MAP1A: variants seen among roughly 807,000 people sequenced by gnomAD.
The protein encoded by MAP1A is microtubule-associated protein 1A.
In MAP1A, 42 loss-of-function variants were observed where a neutral mutation model predicts 185.9. That is an observed-to-expected ratio of 0.23 (90% CI 0.18 to 0.29). The LOEUF (loss-of-function observed/expected upper bound fraction) is 0.29, where lower values mean the gene tolerates loss of function less well. Ranked by LOEUF, MAP1A falls within the 10% of genes least tolerant of loss-of-function variation. MAP1A has a pLI of 1.00. For synonymous variants in MAP1A, 1,229 were observed against 1,335.9 expected, an observed-to-expected ratio of 0.92 and a Z score of 1.74; for missense variants, 2,995 against 3,450.4, an observed-to-expected ratio of 0.87 and a Z score of 3.31.
Position 43,521,140 on chromosome 15 carries a change from G to C in MAP1A, c.-151+28G>C, listed in dbSNP as rs1337298855. 1 of 1,537,638 alleles carries C rather than the reference G, an allele frequency of 6.5e-7. No individual in the cohort carries two copies. The highest frequency in any genetic ancestry group is 1.4e-5 in the African/African-American group (1 of 72,830). ...AAGTTCCATGCCAGAGTGTCTGGGAGAAAGGGTAGCACTAGAGCTGTGGGA... is the reference window on the plus strand; with the variant it reads ...AAGTTCCATGCCAGAGTGTCTGGGACAAAGGGTAGCACTAGAGCTGTGGGA... On this transcript the variant is annotated intron_variant, in intron 3 of 5. Coordinates refer to ENST00000300231, the MANE Select transcript of MAP1A (RefSeq NM_002373.6). This position sits in a 1 kb window ranked among gnomAD's most constrained non-coding sequence, Gnocchi z 4.6.
Position 43,529,087 on chromosome 15 carries a change from C to G in MAP1A, c.7614C>G (p.Asp2538Glu). 6.2e-7 allele frequency: 1 copy of G among 1,613,876 alleles called. No homozygotes were observed. Among genetic ancestry groups the G allele is most frequent in the Non-Finnish European group, 8.5e-7 (1 of 1,179,994 alleles). The part of the protein sequence containing the change: ...EAALDSDEDG[D>E]FLPVDKAGGV... The stretch of plus-strand genomic sequence containing the variant: ...CCCTCGACTCAGATGAAGATGGAGA[C>G]TTCCTACCTGTGGACAAAGCTGGGG... Residue 2538 changes from aspartate (D) to glutamate (E), a missense_variant, in exon 4 of 6, where the codon GAC becomes GAG. This residue lies in a region of MAP1A where 2,728 missense variants were observed against 2,986.0 expected (regional missense o/e 0.91). Transcript: ENST00000300231. The surrounding 1 kb of genome is among the most constrained non-coding windows in gnomAD (Gnocchi z 4.3).
chr15:43,522,257 A>G lies in MAP1A; in HGVS notation c.784A>G (p.Ile262Val). The G allele has an allele frequency of 6.2e-7, 1 of 1,614,158 alleles. No individual in the cohort carries two copies. The highest frequency in any genetic ancestry group is 1.1e-5 in the South Asian group (1 of 91,082). The change falls in exon 4 of 6, where the codon ATT becomes GTT. Residue 262 changes from isoleucine (I) to valine (V), a missense_variant. Transcript: ENST00000300231. This position sits in a 1 kb window ranked among gnomAD's most constrained non-coding sequence, Gnocchi z 5.9. The stretch of plus-strand genomic sequence containing the variant: ...GCTACCAGCCAATCCCACTGAGAAG[A>G]TTGTGCGTGTGCTTTTTCCAGGAAA... The part of the protein sequence containing the change: ...VWLPANPTEK[I>V]VRVLFPGNAP...
Position 43,524,672 on chromosome 15 carries a change from C to T in MAP1A, c.3199C>T (p.Pro1067Ser). 6.2e-7 allele frequency: 1 copy of T among 1,614,136 alleles called. No homozygotes were observed. Among genetic ancestry groups the T allele is most frequent in the Non-Finnish European group, 8.5e-7 (1 of 1,180,024 alleles). Residue 1067 changes from proline (P) to serine (S), a missense_variant, in exon 4 of 6, where the codon CCC (proline) becomes TCC (serine). Transcript: ENST00000300231. ...AGAGAAGGAAGAGAAAGTTCCTCCT[C>T]CCAGGAGCCCCCAGGCCCAGGAAGC... is the stretch of plus-strand genomic sequence containing the variant. ...TLEKEEKVPPPRSPQAQEAPV... is the reference protein window; with the variant it reads ...TLEKEEKVPPSRSPQAQEAPV...
chr15:43,514,916 A>G (rs565736571), upstream of MAP1A, among the ~76,000 whole-genome samples: 2 of 152,330 alleles, frequency 1.3e-5, no homozygotes, highest in African/African-American at 4.8e-5. Flanking sequence ...TAATATTCTA[A>G]GACTCTAAAA....
At position 43,521,734 on chromosome 15, in the gene MAP1A, C is replaced by A. The variant is rs2079319978; in HGVS notation, c.261C>A (p.Leu87=). The part of the protein sequence containing the change: ...RHLDRIDSVL[L]THIGADNLPG... ...TGGACCGCATTGACTCGGTGCTACT[C>A]ACACACATTGGGGCAGACAACCTGC... The change falls in exon 4 of 6, where the codon CTC becomes CTA. Residue 87 remains leucine, a synonymous_variant. Coordinates refer to ENST00000300231, the MANE Select transcript of MAP1A (RefSeq NM_002373.6). The surrounding 1 kb of genome is among the most constrained non-coding windows in gnomAD (Gnocchi z 4.6). 6.2e-7 allele frequency: 1 copy of A among 1,614,116 alleles called. No individual in the cohort carries two copies. The highest frequency in any genetic ancestry group is 8.5e-7 in the Non-Finnish European group (1 of 1,180,044).
exon 1 of MAP1A, chr15:43,511,074 C>A: frequency 6.5e-7 from 1 of 1,549,836 alleles, no homozygotes; most frequent in Non-Finnish European, 8.7e-7. Context: ...CCCGGCGCAC[C>A]GCTGGCTCAG....
In MAP1A at chr15:43,528,306, G is replaced by T; in HGVS notation, c.6833G>T (p.Ser2278Ile). The T allele has an allele frequency of 6.2e-7, 1 of 1,614,076 alleles. No individual in the cohort carries two copies. Among genetic ancestry groups the T allele is most frequent in the Non-Finnish European group, 8.5e-7 (1 of 1,180,036 alleles). Residue 2278 changes from serine (S) to isoleucine (I), a missense_variant, in exon 4 of 6, where the codon AGC becomes ATC. Physicochemically the swap from Ser to Ile is moderately radical, Grantham distance 142 (BLOSUM62 -2). Around this residue, in one of 3 missense-constraint regions of MAP1A, gnomAD observed 2,728 missense variants for 2,986.0 expected, o/e 0.91. Coordinates refer to ENST00000300231, the MANE Select transcript of MAP1A (RefSeq NM_002373.6). Reference sequence around the variant, plus strand: ...AGTGTGGCGGAGCGCTTCTCTCCAAGCCTTGAGGCTGCAGAACAGGAGTCT... The same window carrying T: ...AGTGTGGCGGAGCGCTTCTCTCCAATCCTTGAGGCTGCAGAACAGGAGTCT... Reference protein sequence around the residue: ...ISSVAERFSPSLEAAEQESGE... With the variant: ...ISSVAERFSPILEAAEQESGE...
chr15:43,530,452 A>C lies in MAP1A; in HGVS notation c.*228A>C, dbSNP rs537333893. On this transcript the variant is annotated 3_prime_UTR_variant, in exon 6 of 6. Transcript: ENST00000300231. ...ACAGGGAGAGGATGGGGGAGGGGAC[A>C]AATTAGAATAGGATAGCATCTGATG... 1.8e-5 allele frequency: 10 copies of C among 566,712 alleles called. No homozygotes were observed. Among genetic ancestry groups the C allele is most frequent in the African/African-American group, 1.3e-4 (7 of 53,274 alleles). The allele number at this position is 566,712 out of a possible 1,614,324, so 35.1% of individuals were successfully genotyped here. A position where few individuals can be genotyped will look rare whatever the true frequency, so the allele number is the denominator to read the frequency against.
rs2079349220 is a variant in MAP1A, at chr15:43,527,333, A to G, written c.5860A>G (p.Arg1954Gly). The stretch of plus-strand genomic sequence containing the variant: ...GCCTGAGCAGACTGAGCCGGAGCAG[A>G]GAGAGCCCACACCCTATCCTGATGA... ...TEPEQTEPEQ[R>G]EPTPYPDERS... The change falls in exon 4 of 6, where the codon AGA becomes GGA. Residue 1954 changes from arginine (R) to glycine (G), a missense_variant. Arg to Gly is a moderately radical substitution (Grantham distance 125). This residue lies in a region of MAP1A where 2,728 missense variants were observed against 2,986.0 expected (regional missense o/e 0.91). Coordinates refer to ENST00000300231, the MANE Select transcript of MAP1A (RefSeq NM_002373.6). The G allele has an allele frequency of 6.2e-7, 1 of 1,614,036 alleles. No homozygotes were observed.
Position 43,524,968 on chromosome 15 carries a change from C to A in MAP1A, c.3495C>A (p.Asn1165Lys). 1 of 1,614,174 alleles carries A rather than the reference C, an allele frequency of 6.2e-7. No homozygotes were observed. Among genetic ancestry groups the A allele is most frequent in the Non-Finnish European group, 8.5e-7 (1 of 1,180,020 alleles). ...VLSVPSPDTA[N>K]QEPTPKSPCG... ...GCGTGCCCTCCCCAGACACTGCCAA[C>A]CAAGAGCCTACCCCCAAGTCTCCCT... The change falls in exon 4 of 6, where the codon AAC (asparagine) becomes AAA (lysine). Residue 1165 changes from asparagine to lysine, a missense_variant. Asn to Lys is a moderately conservative substitution (Grantham distance 94, BLOSUM62 0). Around this residue, in one of 3 missense-constraint regions of MAP1A, gnomAD observed 2,728 missense variants for 2,986.0 expected, o/e 0.91. Coordinates refer to ENST00000300231, the MANE Select transcript of MAP1A (RefSeq NM_002373.6).
In MAP1A at chr15:43,526,229, C is replaced by T; in HGVS notation, c.4756C>T (p.Gln1586Ter). 1 of 1,614,134 alleles carries T rather than the reference C, an allele frequency of 6.2e-7. No individual in the cohort carries two copies. Among genetic ancestry groups the T allele is most frequent in the Non-Finnish European group, 8.5e-7 (1 of 1,180,024 alleles). The change falls in exon 4 of 6, where the codon CAG (glutamine) becomes TAG (stop). Residue 1586 changes from glutamine to a stop codon, truncating the protein, a stop_gained. Coordinates refer to ENST00000300231, the MANE Select transcript of MAP1A (RefSeq NM_002373.6). LOFTEE classifies it high-confidence loss of function. This position sits in a 1 kb window ranked among gnomAD's most constrained non-coding sequence, Gnocchi z 4.7. ...HQTQEQESLV[Q>*]EDKTRKPKML... ...AACTCAGGAGCAGGAGAGCCTAGTG[C>T]AGGAGGATAAAACCAGGAAACCAAA...
rs1381662763 is a variant in MAP1A, at chr15:43,512,137, C to T, written c.239-53C>T. On this transcript the variant is annotated intron_variant, in intron 1 of 6. Coordinates refer to the MAP1A transcript ENST00000382031. ...ACTTGAAAGTGTTCCTGCAGTCTCA[C>T]CACCCTACAACCTGCAACCTTATCC... 2.9e-6 allele frequency: 3 copies of T among 1,039,490 alleles called. No individual in the cohort carries two copies. The African/African-American group carries it at 4.8e-5, about 16-fold the overall frequency. The allele number at this position is 1,039,490 out of a possible 1,614,324, so 64.4% of individuals were successfully genotyped here.
In MAP1A at chr15:43,526,510, C is replaced by T; in HGVS notation, c.5037C>T (p.Asp1679=). The T allele has an allele frequency of 6.2e-7, 1 of 1,614,068 alleles. No individual in the cohort carries two copies. The highest frequency in any genetic ancestry group is 8.5e-7 in the Non-Finnish European group (1 of 1,180,014). The change falls in exon 4 of 6, where the codon GAC becomes GAT. Residue 1679 remains aspartate (D), a synonymous_variant. Transcript: ENST00000300231. The surrounding 1 kb of genome is among the most constrained non-coding windows in gnomAD (Gnocchi z 4.7). ...PAWEDTSPEQ[D]NRYWRGREDV... Reference sequence around the variant, plus strand: ...GGGAGGACACATCTCCTGAGCAGGACAATAGGTATTGGAGGGGCAGAGAGG... The same window carrying T: ...GGGAGGACACATCTCCTGAGCAGGATAATAGGTATTGGAGGGGCAGAGAGG...
rs546821477 is a variant in MAP1A at position 43,519,046 on chromosome 15, A to C, written c.-375+1346A>C. The stretch of plus-strand genomic sequence containing the variant: ...GAAAGCAAATCAGTGTGTGCTATAG[A>C]TATTTGTCTTTCTGACCCTCCTACC... On this transcript the variant is annotated intron_variant, in intron 1 of 5. Coordinates refer to ENST00000300231, the MANE Select transcript of MAP1A (RefSeq NM_002373.6). 5.9e-5 allele frequency among the ~76,000 whole-genome samples: 9 copies of C among 152,130 alleles called. No individual in the cohort carries two copies. The East Asian group carries it at 1.5e-3, about 26-fold the overall frequency.
chr15:43,526,270 A>G lies in MAP1A; in HGVS notation c.4797A>G (p.Lys1599=). ...GGAAACCAAAGATGCTAGAGGAAAA[A>G]TCCCCAGAAAAGGTCAAGGCCATGG... is the stretch of plus-strand genomic sequence containing the variant. The part of the protein sequence containing the change: ...KTRKPKMLEE[K]SPEKVKAMEE... Residue 1599 remains lysine, a synonymous_variant, in exon 4 of 6, where the codon AAA becomes AAG. Transcript: ENST00000300231. This position sits in a 1 kb window ranked among gnomAD's most constrained non-coding sequence, Gnocchi z 4.7. The G allele has an allele frequency of 1.2e-6, 2 of 1,614,062 alleles. No individual in the cohort carries two copies. The highest frequency in any genetic ancestry group is 1.7e-6 in the Non-Finnish European group (2 of 1,179,986).
chr15:43,526,309 A>C lies in MAP1A; in HGVS notation c.4836A>C (p.Glu1612Asp). The change falls in exon 4 of 6, where the codon GAA becomes GAC. Residue 1612 changes from glutamate (E) to aspartate (D), a missense_variant. Coordinates refer to ENST00000300231, the MANE Select transcript of MAP1A (RefSeq NM_002373.6). This position sits in a 1 kb window ranked among gnomAD's most constrained non-coding sequence, Gnocchi z 4.7. ...TCAAGGCCATGGAAGAGAAGTTAGA[A>C]GCTCTTCTGGAGAAGACCAAAGCTC... ...EKVKAMEEKL[E>D]ALLEKTKALG... 6.2e-7 allele frequency: 1 copy of C among 1,614,022 alleles called. No individual in the cohort carries two copies. The highest frequency in any genetic ancestry group is 8.5e-7 in the Non-Finnish European group (1 of 1,180,018).
chr15:43,528,956 A>G lies in MAP1A; in HGVS notation c.7483A>G (p.Thr2495Ala). The G allele has an allele frequency of 6.2e-7, 1 of 1,613,204 alleles. No homozygotes were observed. The change falls in exon 4 of 6, where the codon ACT becomes GCT. Residue 2495 changes from threonine to alanine, a missense_variant. Physicochemically the swap from Thr to Ala is moderately conservative, Grantham distance 58. This residue lies in a region of MAP1A where 2,728 missense variants were observed against 2,986.0 expected (regional missense o/e 0.91). Transcript: ENST00000300231. ...GACCACTGGGGGCCCATGCCCTGTG[A>G]CTGATGAGACACCCCCTACATCAGC... ...PGTTGGPCPV[T>A]DETPPTSASD... is the part of the protein sequence containing the mutation.
chr15:43,514,691 G>A (rs1169166893), upstream of MAP1A, among the ~76,000 whole-genome samples: 1 of 152,146 alleles, frequency 6.6e-6, no homozygotes, highest in Non-Finnish European at 1.5e-5. Context: ...TCCTTCTAGT[G>A]GTCAAGTCTG....
chr15:43,522,828 C>A lies in MAP1A; in HGVS notation c.1355C>A (p.Thr452Asn), dbSNP rs377251075. 31 of 1,593,790 alleles carry A rather than the reference C, an allele frequency of 1.9e-5. No homozygotes were observed. The East Asian group carries it at 3.2e-4, about 16-fold the overall frequency. The change falls in exon 4 of 6, where the codon ACC becomes AAC. Residue 452 changes from threonine to asparagine, a missense_variant. Thr to Asn is a moderately conservative substitution (Grantham distance 65). This residue lies in a region of MAP1A where 2,728 missense variants were observed against 2,986.0 expected (regional missense o/e 0.91). Transcript: ENST00000300231. The surrounding 1 kb of genome is among the most constrained non-coding windows in gnomAD (Gnocchi z 5.9). ...AAGAAGGAGGAGAAGAGGAAAGATA[C>A]CAAACCTGAGCTCAAGAAGATTTCC... ...DAKKEEKRKD[T>N]KPELKKISKP...
Sources: gnomAD v4.1 joint callset for allele counts (sites outside exome capture counted in the v4.1 genomes callset) on GRCh38, gnomAD v4.1.1 for gene constraint, gnomAD v4.1.1 regional missense constraint, Gnocchi (gnomAD v3.1) non-coding constraint, MANE v1.5 for transcripts, NCBI Gene and HGNC (gene_info 2026-07-23, HGNC 2026-07-21) for gene names.